Variants in PGM3 observed in about 807,000 individuals in gnomAD.
PGM3 encodes the protein phosphoacetylglucosamine mutase.
A neutral mutation model predicts 66.2 loss-of-function variants in PGM3; 40 were observed. The observed-to-expected ratio is 0.60, with a 90% CI of 0.47 to 0.79. The LOEUF is 0.79. PGM3 is among the 30% of genes least tolerant of loss of function. PGM3 has a pLI of 0.00. For synonymous variants in PGM3, 191 were observed against 224.2 expected (o/e 0.85, Z 1.32); for missense variants, 537 against 643.4 (o/e 0.83, Z 1.79).
At chr6:83,185,362 T>G (rs1017766777) in intron 4 of PGM3, among the ~76,000 whole-genome samples, 5 of 152,238 alleles carry the variant, frequency 3.3e-5, no homozygotes, top group African/African-American at 1.2e-4. Context: ...CATTGACATG[T>G]CATGACACAT....
rs1787564830 is a variant in PGM3 at position 83,174,088 on chromosome 6, T to G, written c.1242+286A>C. On this transcript the variant is annotated intron_variant, in intron 10 of 12. Transcript: ENST00000513973. ...CATCGAGGTTTGGTTAAAAAAAAATTAATAATATATATGTATACACTGAGT... is the reference window on the plus strand; with the variant it reads ...CATCGAGGTTTGGTTAAAAAAAAATGAATAATATATATGTATACACTGAGT... Among the ~76,000 whole-genome samples the G allele has an allele frequency of 1.3e-5, 2 of 152,070 alleles. 1 individual carries two copies. Among genetic ancestry groups the G allele is most frequent in the South Asian group, 4.1e-4 (2 of 4,822 alleles).
At chr6:83,162,852 G>GTATA, downstream of PGM3, 2 of 1,613,586 alleles carry the variant, frequency 1.2e-6, no homozygotes, top group Non-Finnish European at 1.7e-6. Flanking sequence ...AGAAGGCAGG[G>GTATA]TATACATCAA....
intron 2 of PGM3, among the ~76,000 whole-genome samples, chr6:83,189,591 A>G (rs1488236334): frequency 2.6e-5 from 4 of 152,210 alleles, no homozygotes; most frequent in Non-Finnish European, 2.9e-5. Context: ...ACACCACTTT[A>G]ACTTGCTGCT....
At chr6:83,186,713 A>G (rs907620441) in intron 4 of PGM3, among the ~76,000 whole-genome samples, 12 of 152,202 alleles carry the variant, frequency 7.9e-5, no homozygotes, top group Admixed American at 7.2e-4. Flanking sequence ...TCAAGTACTT[A>G]AAAAGGTTTT....
downstream of PGM3, among the ~76,000 whole-genome samples, chr6:83,156,515 G>A (rs956575842): frequency 2.0e-5 from 3 of 152,270 alleles, no homozygotes; most frequent in African/African-American, 4.8e-5. Context: ...GGACTGCATG[G>A]GGGATTATGT....
chr6:83,157,134 T>C (rs1159249821), downstream of PGM3: 2 of 1,584,154 alleles, frequency 1.3e-6, no homozygotes, highest in East Asian at 2.2e-5. Context: ...GAAAGTTTTA[T>C]GTGATAAAGA....
chr6:83,181,471 A>C (rs1241038420), intron 6 of PGM3, among the ~76,000 whole-genome samples: 1 of 152,208 alleles, frequency 6.6e-6, no homozygotes, highest in Non-Finnish European at 1.5e-5. Flanking sequence ...TGCCAGTTTG[A>C]GAACCACTGC....
downstream of PGM3, among the ~76,000 whole-genome samples, chr6:83,163,378 T>TGTCA (rs1784696747): frequency 6.6e-6 from 1 of 152,256 alleles, no homozygotes; most frequent in South Asian, 2.1e-4. Context: ...TTTTAGAACC[T>TGTCA]GTCAGAGTTG....
In PGM3 at chr6:83,174,449, T is replaced by C; in HGVS notation, c.1167A>G (p.Gln389=). 1.9e-6 allele frequency: 3 copies of C among 1,605,264 alleles called. No homozygotes were observed. Among genetic ancestry groups the C allele is most frequent in the Middle Eastern group, 1.7e-4 (1 of 6,024 alleles). Residue 389 remains glutamine (Q), a synonymous_variant, in exon 10 of 13, where the codon CAA becomes CAG. Coordinates refer to ENST00000513973, the MANE Select transcript of PGM3 (RefSeq NM_015599.3). Reference sequence around the variant, plus strand: ...TCTTATCTTCCAGTTGTTCTGCTGATTGTTTTATCTTCATTTCAACAGCTG... The same window carrying C: ...TCTTATCTTCCAGTTGTTCTGCTGACTGTTTTATCTTCATTTCAACAGCTG... ...FSTAVEMKIK[Q]SAEQLEDKKR... is the part of the protein sequence containing the mutation.
rs1756930853 is a variant in PGM3, at chr6:83,169,136, A to C, written c.*98T>G. ...AGACAATCCAGTAGGCTGCATTGTA[A>C]ACATTATGATTATAAATCTCTTAGT... On this transcript the variant is annotated 3_prime_UTR_variant, in exon 13 of 13. Transcript: ENST00000513973. 3 of 1,541,520 alleles carry C rather than the reference A, an allele frequency of 1.9e-6. No homozygotes were observed. Among genetic ancestry groups the C allele is most frequent in the South Asian group, 2.4e-5 (2 of 83,684 alleles).
At position 83,165,296 on chromosome 6, in the gene PGM3, A is replaced by C. The variant is rs1336604066; in HGVS notation, c.*3938T>G. 1.3e-5 allele frequency: 2 copies of C among 152,438 alleles called. No homozygotes were observed. Among genetic ancestry groups the C allele is most frequent in the African/African-American group, 4.8e-5 (2 of 41,450 alleles). The allele number at this position is 152,438 out of a possible 1,614,324, so 9.4% of individuals were successfully genotyped here. ...ATCCTGTAATCTAGACTGGAAGCTA[A>C]ATAATTGCTAGGAAGCAAACTTAAG... On this transcript the variant is annotated 3_prime_UTR_variant, in exon 13 of 13. Coordinates refer to ENST00000513973, the MANE Select transcript of PGM3 (RefSeq NM_015599.3).
At chr6:83,177,292 G>A (rs1409607953) in intron 8 of PGM3, among the ~76,000 whole-genome samples, 1 of 152,088 alleles carries the variant, frequency 6.6e-6, no homozygotes, top group Admixed American at 6.6e-5. Context: ...AAAACTTCTC[G>A]ATAATGAGAA....
In PGM3 at chr6:83,168,732, G is replaced by A; in HGVS notation, c.*502C>T. 1 of 997,584 alleles carries A rather than the reference G, an allele frequency of 1.0e-6. No individual in the cohort carries two copies. Among genetic ancestry groups the A allele is most frequent in the Non-Finnish European group, 1.2e-6 (1 of 836,764 alleles). 61.8% of individuals were successfully genotyped at this position (997,584 alleles called of 1,614,324 possible). ...GACAACCCCCTATTCATACCTCTGA[G>A]TTCCTGATGGCATTAGTCATATAGG... On this transcript the variant is annotated 3_prime_UTR_variant, in exon 13 of 13. Coordinates refer to ENST00000513973, the MANE Select transcript of PGM3 (RefSeq NM_015599.3).
At chr6:83,169,548 C>T in intron 12 of PGM3, 1 of 543,672 alleles carries the variant, frequency 1.8e-6, no homozygotes, top group Non-Finnish European at 3.3e-6. Flanking sequence ...AGTTTTTAAT[C>T]AATTCAGATT....
downstream of PGM3, chr6:83,157,068 T>C (rs1424788400): frequency 9.7e-7 from 1 of 1,028,362 alleles, no homozygotes; most frequent in African/African-American, 1.7e-5. Context: ...GTTTTGAATT[T>C]TTTTAAAGTT....
At chr6:83,171,906 C>A (rs757715192) in intron 11 of PGM3, 31 bp downstream of exon 11, 2 of 1,573,514 alleles carry the variant, frequency 1.3e-6, no homozygotes, top group Middle Eastern at 1.7e-4. Context: ...AGCTAATATT[C>A]AAAAAAGTTA....
At chr6:83,191,381 T>C in intron 1 of PGM3, 1 of 689,780 alleles carries the variant, frequency 1.4e-6, no homozygotes, top group South Asian at 1.8e-5. Context: ...GATCATTTCA[T>C]TTTACAAAAA....
rs753299331 is a variant in PGM3 at position 83,167,830 on chromosome 6, A to G, written c.*1404T>C. On this transcript the variant is annotated 3_prime_UTR_variant, in exon 13 of 13. Coordinates refer to ENST00000513973, the MANE Select transcript of PGM3 (RefSeq NM_015599.3). ...TCTAACATACCACATTGTCTGTTGT[A>G]TTAATACCAGTTCACTTTTTGTTTT... The G allele has an allele frequency of 3.2e-6, 5 of 1,581,414 alleles. No homozygotes were observed. The Admixed American group carries it at 5.5e-5, about 17-fold the overall frequency.
intron 4 of PGM3, among the ~76,000 whole-genome samples, chr6:83,185,354 T>C (rs903613879): frequency 6.6e-6 from 1 of 152,228 alleles, no homozygotes. Flanking sequence ...CAAGCACACA[T>C]TGACATGTCA....
Sources: allele counts gnomAD v4.1 joint callset (sites outside exome capture counted in the v4.1 genomes callset), GRCh38; gene constraint gnomAD v4.1.1; transcripts MANE v1.5; gene names NCBI Gene and HGNC (gene_info 2026-07-23, HGNC 2026-07-21).